Variants in BAZ2B observed in about 807,000 individuals in gnomAD.
BAZ2B encodes the protein bromodomain adjacent to zinc finger domain protein 2B.
A neutral mutation model predicts 246.0 loss-of-function variants in BAZ2B; 91 were observed. The observed-to-expected ratio is 0.37, with a 90% CI of 0.31 to 0.44. The LOEUF is 0.44. Ranked by LOEUF, BAZ2B falls within the 20% of genes least tolerant of loss-of-function variation. BAZ2B has a pLI of 1.00. For missense variants in BAZ2B, 2,332 were observed against 2,533.7 expected, an observed-to-expected ratio of 0.92 and a Z score of 1.71; for synonymous variants, 855 against 860.0, an observed-to-expected ratio of 0.99 and a Z score of 0.10.
At chr2:159,452,072 T>A (rs1466857558) in intron 4 of BAZ2B, among the ~76,000 whole-genome samples, 4 of 152,154 alleles carry the variant, frequency 2.6e-5, no homozygotes, top group African/African-American at 9.7e-5. Flanking sequence ...CTATTAATAT[T>A]TTTGAAGGAA....
chr2:159,562,202 A>G (rs1335986150), intron 1 of BAZ2B, among the ~76,000 whole-genome samples: 1 of 152,144 alleles, frequency 6.6e-6, no homozygotes, highest in Admixed American at 6.6e-5. Flanking sequence ...GTGTGACTGA[A>G]ACTTCTCTAA....
chr2:159,570,064 A>C (rs1683580190), intron 1 of BAZ2B, among the ~76,000 whole-genome samples: 1 of 152,228 alleles, frequency 6.6e-6, no homozygotes, highest in African/African-American at 2.4e-5. Flanking sequence ...CTGAGGTACA[A>C]TACCAGTGTA....
the BAZ2B span, among the ~76,000 whole-genome samples, chr2:159,683,007 T>C: frequency 6.6e-6 from 1 of 151,884 alleles, no homozygotes; most frequent in African/African-American, 2.4e-5. Flanking sequence ...TATTTTTGGC[T>C]AACTGTGTAA....
intron 27 of BAZ2B, among the ~76,000 whole-genome samples, chr2:159,356,429 T>G (rs2059120396): frequency 1.3e-5 from 2 of 152,354 alleles, no homozygotes; most frequent in Admixed American, 1.3e-4. Context: ...GTAGCCAGAC[T>G]GCCTCTCTAG....
intron 2 of BAZ2B, among the ~76,000 whole-genome samples, chr2:159,485,020 T>C (rs2079660960): frequency 6.6e-6 from 1 of 152,176 alleles, no homozygotes; most frequent in African/African-American, 2.4e-5. Flanking sequence ...CTTTATAATG[T>C]AACCTCAGAG....
intron 1 of BAZ2B, among the ~76,000 whole-genome samples, chr2:159,607,485 A>T (rs1374077953): frequency 6.6e-6 from 1 of 152,220 alleles, no homozygotes; most frequent in Non-Finnish European, 1.5e-5. Flanking sequence ...CGGCCTTCAC[A>T]AATAAGCCTA....
At chr2:159,443,859 C>T (rs1345566066) in intron 6 of BAZ2B, among the ~76,000 whole-genome samples, 1 of 152,086 alleles carries the variant, frequency 6.6e-6, no homozygotes, top group Non-Finnish European at 1.5e-5. Context: ...GTAGATTCCT[C>T]ATTAGAACTA....
At chr2:159,334,527 C>T (rs753392345) in intron 33 of BAZ2B, among the ~76,000 whole-genome samples, 8 of 152,160 alleles carry the variant, frequency 5.3e-5, no homozygotes, top group Non-Finnish European at 8.8e-5. Context: ...TTACTATAGG[C>T]ACTGTTATGT....
intron 1 of BAZ2B, among the ~76,000 whole-genome samples, chr2:159,607,063 C>T (rs1357513593): frequency 6.6e-6 from 1 of 151,926 alleles, no homozygotes; most frequent in African/African-American, 2.4e-5. Context: ...CCATGTTGAC[C>T]AGGCTGGTCT....
At chr2:159,610,379 A>C (rs996220687) in intron 1 of BAZ2B, among the ~76,000 whole-genome samples, 11 of 152,228 alleles carry the variant, frequency 7.2e-5, no homozygotes, top group Admixed American at 6.5e-5. Flanking sequence ...TAGCGAGTTA[A>C]GAGCTTCAGT....
intron 18 of BAZ2B, among the ~76,000 whole-genome samples, chr2:159,397,773 T>C (rs1392134143): frequency 1.3e-5 from 2 of 152,216 alleles, no homozygotes; most frequent in Non-Finnish European, 2.9e-5. Flanking sequence ...TAATACATTA[T>C]GGTGCAACCC....
At chr2:159,602,678 G>T (rs1001246164) in intron 1 of BAZ2B, among the ~76,000 whole-genome samples, 10 of 152,058 alleles carry the variant, frequency 6.6e-5, no homozygotes, top group East Asian at 3.9e-4. Context: ...ACAAATCAAG[G>T]CTCTCTTTGC....
chr2:159,509,673 G>A (rs1199812744), intron 2 of BAZ2B, among the ~76,000 whole-genome samples: 1 of 151,854 alleles, frequency 6.6e-6, no homozygotes, highest in Admixed American at 6.6e-5. Context: ...TTGAAAACAG[G>A]GACTTGAAAA....
chr2:159,404,270 A>T (rs1372676363), intron 16 of BAZ2B: 1 of 152,114 alleles, frequency 6.6e-6, no homozygotes, highest in Non-Finnish European at 1.5e-5. Flanking sequence ...AAATTTAAAA[A>T]TTACTTCTCT....
intron 34 of BAZ2B, among the ~76,000 whole-genome samples, chr2:159,327,731 T>G (rs778976762): frequency 2.0e-5 from 3 of 152,188 alleles, no homozygotes; most frequent in Admixed American, 1.3e-4. Context: ...AAATATTACT[T>G]GGGATAATTT....
chr2:159,542,975 A>C (rs2086836649), intron 2 of BAZ2B, among the ~76,000 whole-genome samples: 1 of 152,170 alleles, frequency 6.6e-6, no homozygotes, highest in South Asian at 2.1e-4. Context: ...ACTGATTGCC[A>C]TGTAACTCTG....
intron 2 of BAZ2B, among the ~76,000 whole-genome samples, chr2:159,536,705 C>A (rs1578178347): frequency 6.6e-6 from 1 of 152,284 alleles, no homozygotes; most frequent in East Asian, 1.9e-4. Flanking sequence ...AAAGTTTTTA[C>A]ATGGCACATC....
chr2:159,331,052 C>T (rs376288578), intron 34 of BAZ2B, among the ~76,000 whole-genome samples: 18 of 152,052 alleles, frequency 1.2e-4, no homozygotes, highest in Admixed American at 7.9e-4. Context: ...AAGAGAGGAA[C>T]CCAGTGGAGA....
Position 159,519,210 on chromosome 2 carries a change from C to CTTTTTTTTT in BAZ2B, c.-3+36604_-3+36612dup, listed in dbSNP as rs564614568. Among the ~76,000 whole-genome samples, 564 of 57,780 alleles carry CTTTTTTTTT rather than the reference C, an allele frequency of 9.8e-3. 77 individuals carry two copies. The highest frequency in any genetic ancestry group is 0.02 in the East Asian group (37 of 1,836). 37.9% of individuals were successfully genotyped at this position (57,780 alleles called of 152,430 possible). ...AAATTCCAACTTCATATTCTATTTT[C>CTTTTTTTTT]TTTTTTTTTTTTTTTTTTTTTTTTT... is the stretch of plus-strand genomic sequence containing the variant. On this transcript the variant is annotated intron_variant, in intron 2 of 36. Transcript: ENST00000392783.
Sources: allele counts gnomAD v4.1 joint callset (sites outside exome capture counted in the v4.1 genomes callset), GRCh38; gene constraint gnomAD v4.1.1; transcripts MANE v1.5; gene names NCBI Gene and HGNC (gene_info 2026-07-23, HGNC 2026-07-21).